Variants in WNT7B observed in about 807,000 individuals in gnomAD.
WNT7B encodes Wnt family member 7B, also known as protein Wnt-7b.
In WNT7B, 19 loss-of-function variants were observed where a neutral mutation model predicts 38.2. The ratio of observed to expected loss-of-function variants is 0.50; its 90% CI spans 0.35 to 0.73. The LOEUF (loss-of-function observed/expected upper bound fraction) is 0.73. Ranked by LOEUF, WNT7B falls within the 30% of genes least tolerant of loss-of-function variation. The pLI is 0.01. For missense variants in WNT7B, 423 were observed against 507.9 expected, an observed-to-expected ratio of 0.83 and a Z score of 1.61; for synonymous variants, 243 against 209.3, an observed-to-expected ratio of 1.16 and a Z score of -1.39.
chr22:45,974,631 C>T (rs565101276), intron 1 of WNT7B, among the ~76,000 whole-genome samples: 6 of 152,192 alleles, frequency 3.9e-5, no homozygotes, highest in Admixed American at 2.6e-4. Flanking sequence ...GGAGGAGTTT[C>T]CCCTCCAGGG....
intron 2 of WNT7B, among the ~76,000 whole-genome samples, chr22:45,940,170 T>C (rs763066664): frequency 3.9e-5 from 6 of 152,128 alleles, no homozygotes; most frequent in Admixed American, 1.3e-4. Flanking sequence ...AATGGATGGC[T>C]TTCAGAGGGT....
chr22:45,941,551 G>A (rs1325152230), intron 2 of WNT7B, among the ~76,000 whole-genome samples: 2 of 152,048 alleles, frequency 1.3e-5, no homozygotes, highest in African/African-American at 4.8e-5. Context: ...CTTCTGCAGT[G>A]AGGACCCCAA....
At chr22:45,956,655 C>T (rs181215830) in intron 1 of WNT7B, among the ~76,000 whole-genome samples, 4 of 152,314 alleles carry the variant, frequency 2.6e-5, no homozygotes, top group Admixed American at 6.5e-5. Flanking sequence ...ACAATCCAGG[C>T]GTCTGTCAAC....
intron 3 of WNT7B, chr22:45,926,750 T>A: frequency 1.3e-5 from 13 of 985,414 alleles, no homozygotes; most frequent in Non-Finnish European, 1.6e-5. Context: ...AGCACACGTC[T>A]GCTTCACCCT....
intron 1 of WNT7B, among the ~76,000 whole-genome samples, chr22:45,971,841 G>A (rs1569127081): frequency 6.6e-6 from 1 of 152,326 alleles, no homozygotes; most frequent in Non-Finnish European, 1.5e-5. Context: ...GAATCTCGGC[G>A]CCGCTCGCGT....
At chr22:45,973,614 CGGGCTCCTCTGAGTTCTGCTTT>C (rs1569127859) in intron 1 of WNT7B, among the ~76,000 whole-genome samples, 1 of 152,216 alleles carries the variant, frequency 6.6e-6, no homozygotes, top group South Asian at 2.1e-4. Flanking sequence ...AGACTCCAGA[CGGGCTCCTCTGAGTTCTGCTTT>C]GGCCTCCTCC....
rs1351471999 is a variant in WNT7B, at chr22:45,922,639, C to T, written c.*217G>A. 4 of 745,382 alleles carry T rather than the reference C, an allele frequency of 5.4e-6. No homozygotes were observed. The highest frequency in any genetic ancestry group is 8.4e-6 in the Non-Finnish European group (4 of 475,934). 46.2% of individuals were successfully genotyped at this position (745,382 alleles called of 1,614,324 possible). A position where few individuals can be genotyped will look rare whatever the true frequency, so the allele number is the denominator to read the frequency against. The stretch of plus-strand genomic sequence containing the variant: ...CTCTGGGTGGGTCACGGGTGCTGTT[C>T]TGCCGCAGGAGGTGATGGGAGGAGG... On this transcript the variant is annotated 3_prime_UTR_variant, in exon 4 of 4. Transcript: ENST00000339464.
Position 45,977,127 on chromosome 22 carries a change from AAT to A in WNT7B, c.-375_-374del. The A allele has an allele frequency of 1.6e-6, 1 of 641,642 alleles. No homozygotes were observed. Among genetic ancestry groups the A allele is most frequent in the Non-Finnish European group, 1.9e-6 (1 of 516,282 alleles). The allele number at this position is 641,642 out of a possible 1,614,324, so 39.7% of individuals were successfully genotyped here. ...CGCCTCGCCGAGCGCCGCGGCGGCC[AAT>A]GTGTCCGCACTTGTCGGCCGCCCCA... On this transcript the variant is annotated 5_prime_UTR_variant, in exon 1 of 4. Transcript: ENST00000339464.
chr22:45,965,722 T>C lies in WNT7B; in HGVS notation c.71+10962A>G, dbSNP rs1342967458. On this transcript the variant is annotated intron_variant, in intron 1 of 3. Transcript: ENST00000339464. This position sits in a 1 kb window ranked among gnomAD's most constrained non-coding sequence, Gnocchi z 6.5. ...GAACAGAAGGCCTCTGGGCTTCCCA[T>C]ACCCGCAGGACAGCTGCACCTCTGG... is the stretch of plus-strand genomic sequence containing the variant. 6.6e-6 allele frequency among the ~76,000 whole-genome samples: 1 copy of C among 152,138 alleles called. No homozygotes were observed.
chr22:45,930,828 C>A (rs115905209), intron 3 of WNT7B, among the ~76,000 whole-genome samples: 244 of 152,342 alleles, frequency 1.6e-3, no homozygotes, highest in African/African-American at 5.6e-3. Flanking sequence ...TCACACCCTG[C>A]ATGGAAATGG....
chr22:45,950,221 C>G (rs144607292), intron 1 of WNT7B, 75 bp from the exon 2 acceptor site: 28 of 1,300,468 alleles, frequency 2.2e-5, no homozygotes, highest in Non-Finnish European at 3.0e-5. Context: ...ACCTTTCCCC[C>G]ACTCAGCCTC....
At chr22:45,974,499 T>G (rs985271443) in intron 1 of WNT7B, among the ~76,000 whole-genome samples, 5 of 152,194 alleles carry the variant, frequency 3.3e-5, no homozygotes, top group Non-Finnish European at 7.4e-5. Flanking sequence ...CTCCTTCCCT[T>G]AGCAGATCCC....
intron 2 of WNT7B, among the ~76,000 whole-genome samples, chr22:45,946,929 C>T (rs1037765281): frequency 6.6e-6 from 1 of 152,270 alleles, no homozygotes; most frequent in South Asian, 2.1e-4. Flanking sequence ...CCCACCCACA[C>T]AGGCCAAGCC....
chr22:45,937,808 G>T (rs1314276075), intron 2 of WNT7B, among the ~76,000 whole-genome samples: 1 of 151,954 alleles, frequency 6.6e-6, no homozygotes, highest in African/African-American at 2.4e-5. Flanking sequence ...TCAGGAGTTC[G>T]AGCCCAGCCT....
intron 1 of WNT7B, among the ~76,000 whole-genome samples, chr22:45,957,682 C>CAAAA (rs367797133): frequency 0.051 from 1,834 of 35,960 alleles, 420 homozygotes; most frequent in Non-Finnish European, 0.069. Flanking sequence ...GACTCCGTCT[C>CAAAA]AAAAAAAAAA....
intron 2 of WNT7B, among the ~76,000 whole-genome samples, chr22:45,948,834 T>C (rs980916393): frequency 0.02 from 2,431 of 123,094 alleles, 76 homozygotes; most frequent in African/African-American, 0.1. Flanking sequence ...TCCCTTTTTT[T>C]TTTTTTTTTT....
chr22:45,948,261 G>A (rs1273203797), intron 2 of WNT7B, among the ~76,000 whole-genome samples: 1 of 152,220 alleles, frequency 6.6e-6, no homozygotes, highest in Non-Finnish European at 1.5e-5. Flanking sequence ...TCGTGCCGAC[G>A]CCCTCCCCAC....
chr22:45,948,827 CTTTTTTTTTTT>C lies in WNT7B; in HGVS notation c.298+1082_298+1092del, dbSNP rs749735538. ...AACCCAGGTCAGGCTCCAAAGATCCCTTTTTTTTTTTTTTTTTTTTTTTTTTTTTTCCCCTG... is the reference window on the plus strand; with the variant it reads ...AACCCAGGTCAGGCTCCAAAGATCCCTTTTTTTTTTTTTTTTTTTCCCCTG... On this transcript the variant is annotated intron_variant, in intron 2 of 3. Transcript: ENST00000339464. Among the ~76,000 whole-genome samples the C allele has an allele frequency of 3.1e-3, 278 of 90,168 alleles. 1 individual carries two copies. Among genetic ancestry groups the C allele is most frequent in the African/African-American group, 9.7e-3 (250 of 25,718 alleles). 59.2% of individuals were successfully genotyped at this position (90,168 alleles called of 152,430 possible).
rs182896740 is a variant in WNT7B, at chr22:45,966,137, C to T, written c.71+10547G>A. Among the ~76,000 whole-genome samples, 96 of 152,328 alleles carry T rather than the reference C, an allele frequency of 6.3e-4. No individual in the cohort carries two copies. Among genetic ancestry groups the T allele is most frequent in the African/African-American group, 2.1e-3 (89 of 41,584 alleles). On this transcript the variant is annotated intron_variant, in intron 1 of 3. Transcript: ENST00000339464. The surrounding 1 kb of genome is among the most constrained non-coding windows in gnomAD (Gnocchi z 4.2). ...CAAAGCAGACCCTGGGCACTGTGCA[C>T]ACGTCAGTCCCACTAGGGAGGGCCT...
Sources: allele counts gnomAD v4.1 joint callset (sites outside exome capture counted in the v4.1 genomes callset), GRCh38; gene constraint gnomAD v4.1.1; non-coding constraint Gnocchi (gnomAD v3.1); transcripts MANE v1.5; gene names NCBI Gene and HGNC (gene_info 2026-07-23, HGNC 2026-07-21).